The following CPEB4 variants were observed in gnomAD, a reference collection of about 807,000 sequenced individuals.
CPEB4 encodes the protein cytoplasmic polyadenylation element binding protein 4.
CPEB4 carries 12 observed loss-of-function variants against 72.5 expected under a neutral mutation model. That is an observed-to-expected ratio of 0.17 (90% CI 0.11 to 0.27). The LOEUF is 0.27. CPEB4 is among the 10% of genes least tolerant of loss of function. The probability of loss-of-function intolerance (pLI) is 1.00; values close to 1 mark genes in which losing one functional copy is unlikely to be tolerated. For synonymous variants in CPEB4, 302 were observed against 326.3 expected, an observed-to-expected ratio of 0.93 and a Z score of 0.80; for missense variants, 614 against 908.5, an observed-to-expected ratio of 0.68 and a Z score of 4.17.
rs551865133 is a variant in CPEB4, at chr5:173,924,924, T to A, written c.1208-7526T>A. Among the ~76,000 whole-genome samples, 33 of 152,252 alleles carry A rather than the reference T, an allele frequency of 2.2e-4. No homozygotes were observed. The South Asian group carries it at 2.9e-3, about 13-fold the overall frequency. Reference sequence around the variant, plus strand: ...GAGATTAAAACAAGTAATGTAAATATGGTGTAATAAGTGTAAAGAATACTG... The same window carrying A: ...GAGATTAAAACAAGTAATGTAAATAAGGTGTAATAAGTGTAAAGAATACTG... On this transcript the variant is annotated intron_variant, in intron 2 of 9. Coordinates refer to ENST00000265085, the MANE Select transcript of CPEB4 (RefSeq NM_030627.4).
rs759880283 is a variant in CPEB4 at position 173,890,688 on chromosome 5, A to G, written c.955A>G (p.Arg319Gly). The G allele has an allele frequency of 1.9e-6, 3 of 1,614,216 alleles. No homozygotes were observed. Among genetic ancestry groups the G allele is most frequent in the Admixed American group, 1.7e-5 (1 of 60,032 alleles). The stretch of plus-strand genomic sequence containing the variant: ...AGGTTCCCAAGGCCGAGATCACCGC[A>G]GAGGGCTGAATGGTGGAATAACGCC... The part of the protein sequence containing the change: ...WGGSQGRDHR[R>G]GLNGGITPLN... Residue 319 changes from arginine to glycine, a missense_variant, in exon 1 of 10, where the codon AGA becomes GGA. Transcript: ENST00000265085.
intron 1 of CPEB4, 138 bp downstream of exon 1, chr5:173,890,996 A>G: frequency 1.2e-6 from 1 of 836,990 alleles, no homozygotes; most frequent in Non-Finnish European, 1.8e-6. Flanking sequence ...ACCAGACTTT[A>G]TTTTAGCAGG....
At chr5:173,910,324 C>G (rs1756606140) in intron 1 of CPEB4, among the ~76,000 whole-genome samples, 199 bp from the exon 2 acceptor site, 1 of 152,110 alleles carries the variant, frequency 6.6e-6, no homozygotes, top group Non-Finnish European at 1.5e-5. Context: ...GAAGTCAAAT[C>G]ACTCTTTGCT....
intron 5 of CPEB4, among the ~76,000 whole-genome samples, chr5:173,946,305 G>A (rs1758012628): frequency 6.6e-6 from 1 of 152,142 alleles, no homozygotes; most frequent in Admixed American, 6.5e-5. Context: ...AGAATATTGT[G>A]TTCTGCAGAA....
At chr5:173,891,129 A>T (rs562127644) in intron 1 of CPEB4, among the ~76,000 whole-genome samples, 1 of 150,686 alleles carries the variant, frequency 6.6e-6, no homozygotes, top group East Asian at 2.1e-4. Context: ...TAACTATAAT[A>T]CCTTTCTTGC....
At chr5:173,910,793 A>G in intron 2 of CPEB4, 189 bp downstream of exon 2, 1 of 542,756 alleles carries the variant, frequency 1.8e-6, no homozygotes, top group Non-Finnish European at 3.3e-6. Flanking sequence ...TAGTGGAGCC[A>G]TCGTGATACC....
Position 173,950,088 on chromosome 5 carries a change from GT to G in CPEB4, c.1665+13del. 6.6e-7 allele frequency: 1 copy of G among 1,525,074 alleles called. No individual in the cohort carries two copies. Among genetic ancestry groups the G allele is most frequent in the Non-Finnish European group, 9.0e-7 (1 of 1,114,920 alleles). 94.5% of individuals were successfully genotyped at this position (1,525,074 alleles called of 1,614,324 possible). A position where few individuals can be genotyped will look rare whatever the true frequency, so the allele number is the denominator to read the frequency against. ...TATCAAGGATAAGCCAGTAAGTGTG[GT>G]TTAGCATAAAATAGCTTCTTGTTTT... On this transcript the variant is annotated intron_variant, in intron 7 of 9. Transcript: ENST00000265085. This position sits in a 1 kb window ranked among gnomAD's most constrained non-coding sequence, Gnocchi z 5.0.
intron 2 of CPEB4, among the ~76,000 whole-genome samples, chr5:173,912,878 G>T (rs1187824528): frequency 6.8e-6 from 1 of 146,500 alleles, no homozygotes; most frequent in Non-Finnish European, 1.5e-5. Flanking sequence ...GAAGGTTGAG[G>T]CTGCAGTGAG....
intron 2 of CPEB4, among the ~76,000 whole-genome samples, chr5:173,923,689 AT>A (rs932097989): frequency 2.0e-5 from 3 of 150,884 alleles, no homozygotes; most frequent in African/African-American, 7.3e-5. Flanking sequence ...TTTCCATTAT[AT>A]TTTTTTCACC....
intron 2 of CPEB4, among the ~76,000 whole-genome samples, chr5:173,912,034 G>A (rs548545576): frequency 6.8e-6 from 1 of 147,544 alleles, no homozygotes; most frequent in Non-Finnish European, 1.5e-5. Flanking sequence ...AAAATAATGT[G>A]TAAAAAATAG....
At position 173,929,177 on chromosome 5, in the gene CPEB4, A is replaced by T. The variant is rs1757351117; in HGVS notation, c.1208-3273A>T. 1.3e-5 allele frequency among the ~76,000 whole-genome samples: 2 copies of T among 152,242 alleles called. 1 individual carries two copies. The highest frequency in any genetic ancestry group is 1.3e-4 in the Admixed American group (2 of 15,286). ...TAACTTATAAGGCCAAGGGACAGGG[A>T]AAGTGTTAAAGGTCACCTCCTTTGG... On this transcript the variant is annotated intron_variant, in intron 2 of 9. Transcript: ENST00000265085.
At chr5:173,931,336 T>C (rs1439589754) in intron 2 of CPEB4, among the ~76,000 whole-genome samples, 1 of 152,244 alleles carries the variant, frequency 6.6e-6, no homozygotes, top group Non-Finnish European at 1.5e-5. Flanking sequence ...TGTTTATCCG[T>C]TATTCCTTAG....
At position 173,950,955 on chromosome 5, in the gene CPEB4, C is replaced by G. The variant is rs1327718598; in HGVS notation, c.1666-869C>G. ...CAGCAGTTTATTATCACTCAGCCAG[C>G]ACCCAGTGAATGATGATAGTGCAGA... On this transcript the variant is annotated intron_variant, in intron 7 of 9. Transcript: ENST00000265085. The surrounding 1 kb of genome is among the most constrained non-coding windows in gnomAD (Gnocchi z 5.0). Among the ~76,000 whole-genome samples, 2 of 152,210 alleles carry G rather than the reference C, an allele frequency of 1.3e-5. No individual in the cohort carries two copies. Among genetic ancestry groups the G allele is most frequent in the Non-Finnish European group, 2.9e-5 (2 of 68,042 alleles).
chr5:173,933,746 C>T (rs1213939323), intron 3 of CPEB4, among the ~76,000 whole-genome samples: 1 of 152,178 alleles, frequency 6.6e-6, no homozygotes, highest in East Asian at 1.9e-4. Context: ...GGGGATATTA[C>T]TGTGTCATCT....
chr5:173,929,340 TTTGTGAAACTTCA>T (rs1201871828), intron 2 of CPEB4, among the ~76,000 whole-genome samples: 2 of 152,200 alleles, frequency 1.3e-5, no homozygotes, highest in African/African-American at 4.8e-5. Context: ...TGGAACTTCA[TTTGTGAAACTTCA>T]TTGTGAAACC....
intron 2 of CPEB4, among the ~76,000 whole-genome samples, chr5:173,928,842 G>C (rs1757340532): frequency 6.6e-6 from 1 of 152,226 alleles, no homozygotes; most frequent in Non-Finnish European, 1.5e-5. Context: ...TATTTTAGTT[G>C]TGGAGAGAAT....
intron 1 of CPEB4, among the ~76,000 whole-genome samples, chr5:173,904,097 T>C (rs1237442523): frequency 6.6e-6 from 1 of 152,226 alleles, no homozygotes; most frequent in Non-Finnish European, 1.5e-5. Flanking sequence ...AAATCATTGG[T>C]GATCTTTTAT....
At chr5:173,922,521 A>G (rs1392797433) in intron 2 of CPEB4, among the ~76,000 whole-genome samples, 1 of 152,172 alleles carries the variant, frequency 6.6e-6, no homozygotes, top group Non-Finnish European at 1.5e-5. Flanking sequence ...ATGAGCCATC[A>G]TGCCTGGCCA....
intron 3 of CPEB4, among the ~76,000 whole-genome samples, chr5:173,935,564 C>T (rs967209781): frequency 7.2e-5 from 11 of 152,042 alleles, no homozygotes; most frequent in African/African-American, 2.7e-4. Context: ...TGTTGAAAGC[C>T]GTTTCTTGTT....
Sources: gnomAD v4.1 joint callset for allele counts (sites outside exome capture counted in the v4.1 genomes callset) on GRCh38, gnomAD v4.1.1 for gene constraint, Gnocchi (gnomAD v3.1) non-coding constraint, MANE v1.5 for transcripts, NCBI Gene and HGNC (gene_info 2026-07-23, HGNC 2026-07-21) for gene names.